ANO7: variants seen among roughly 807,000 people sequenced by gnomAD.
The protein encoded by ANO7 is anoctamin 7.
In ANO7, 114 loss-of-function variants were observed where a neutral mutation model predicts 115.8. The observed-to-expected ratio is 0.98, with a 90% CI of 0.85 to 1.15. The LOEUF (loss-of-function observed/expected upper bound fraction) is 1.15. Ranked by LOEUF, ANO7 falls within the 50% of genes most tolerant of loss-of-function variation. The probability of loss-of-function intolerance (pLI) is 0.00; values close to 1 mark genes in which losing one functional copy is unlikely to be tolerated. For missense variants in ANO7, 1,302 were observed against 1,201.2 expected, an observed-to-expected ratio of 1.08 and a Z score of -1.24; for synonymous variants, 550 against 498.2, an observed-to-expected ratio of 1.10 and a Z score of -1.38.
rs562897407 is a variant in ANO7 at position 241,223,875 on chromosome 2, C to A, written c.2533-30C>A. On this transcript the variant is annotated intron_variant, in intron 23 of 24. Coordinates refer to ENST00000674324, the MANE Select transcript of ANO7 (RefSeq NM_001370694.2). ...CCTCCGGACACTGAGTCACATCCCT[C>A]TTCCTCTTGCTGCCCTTTTTTGGGG... 49 of 1,614,144 alleles carry A rather than the reference C, an allele frequency of 3.0e-5. No individual in the cohort carries two copies. In the South Asian group the frequency reaches 5.2e-4, roughly 17 times the overall value.
At chr2:241,198,284 C>T (rs2068390369) in intron 4 of ANO7, among the ~76,000 whole-genome samples, 2 of 152,178 alleles carry the variant, frequency 1.3e-5, no homozygotes, top group Admixed American at 1.3e-4. Context: ...CCTTCCAGTC[C>T]TTCTCAGGTG....
chr2:241,220,119 C>G (rs543544386), intron 21 of ANO7, among the ~76,000 whole-genome samples: 1 of 152,270 alleles, frequency 6.6e-6, no homozygotes, highest in South Asian at 2.1e-4. Flanking sequence ...ACAGTAATTT[C>G]TTATGTATTG....
intron 21 of ANO7, among the ~76,000 whole-genome samples, chr2:241,221,970 C>T (rs1390323588): frequency 1.3e-5 from 2 of 152,028 alleles, no homozygotes; most frequent in African/African-American, 4.8e-5. Flanking sequence ...CGCGGGGGCT[C>T]ATGCCTGTAT....
chr2:241,220,400 T>C (rs1433010652), intron 21 of ANO7, among the ~76,000 whole-genome samples: 1 of 150,902 alleles, frequency 6.6e-6, no homozygotes, highest in Non-Finnish European at 1.5e-5. Context: ...ATTCATAGCA[T>C]TTAAGAATTT....
chr2:241,223,139 C>G (rs1231351065), intron 21 of ANO7, 47 bp from the exon 22 acceptor site: 1 of 1,567,598 alleles, frequency 6.4e-7, no homozygotes, highest in African/African-American at 1.4e-5. Flanking sequence ...CCTGCCCAGC[C>G]AACACTCAGC....
chr2:241,228,306 A>G (rs527837684), downstream of ANO7: 7 of 152,512 alleles, frequency 4.6e-5, no homozygotes, highest in South Asian at 8.3e-4. Context: ...CCCTCACAGC[A>G]TGACACAGAT....
chr2:241,204,332 T>G (rs1322447327), intron 9 of ANO7, among the ~76,000 whole-genome samples: 1 of 150,684 alleles, frequency 6.6e-6, no homozygotes, highest in African/African-American at 2.4e-5. Context: ...GGCCTGGGAC[T>G]GGACTAGCCC....
chr2:241,196,715 C>T (rs1158548394), intron 4 of ANO7, among the ~76,000 whole-genome samples: 1 of 152,258 alleles, frequency 6.6e-6, no homozygotes, highest in Non-Finnish European at 1.5e-5. Flanking sequence ...GGGGCCCACC[C>T]TTGCCTTGCC....
downstream of ANO7, among the ~76,000 whole-genome samples, chr2:241,226,291 G>A (rs980142781): frequency 5.3e-5 from 8 of 152,198 alleles, no homozygotes; most frequent in East Asian, 3.9e-4. Context: ...CATCCGTGCC[G>A]AGCATCCATC....
In ANO7 at chr2:241,200,360, G is replaced by A. The variant is rs369608504; in HGVS notation, c.554+135G>A. ...CGGCAGGGAATCTGAGGCCAGGTGC[G>A]CACGCTTATCGCGTGTCTGCATTTC... is the stretch of plus-strand genomic sequence containing the variant. On this transcript the variant is annotated intron_variant, in intron 6 of 24. Coordinates refer to ENST00000674324, the MANE Select transcript of ANO7 (RefSeq NM_001370694.2). 1.7e-5 allele frequency: 21 copies of A among 1,228,012 alleles called. No homozygotes were observed. The East Asian group carries it at 2.3e-4, about 13-fold the overall frequency. 76.1% of individuals were successfully genotyped at this position (1,228,012 alleles called of 1,614,324 possible). A position where few individuals can be genotyped will look rare whatever the true frequency, so the allele number is the denominator to read the frequency against.
Position 241,216,201 on chromosome 2 carries a change from G to A in ANO7, c.1935G>A (p.Val645=), listed in dbSNP as rs1465407618. ...QGPWEDDYEL[V]PCEGLFDEYL... ...CCTGGGAGGACGACTATGAGCTTGT[G>A]CCCTGTGAGGGTCTGTTTGACGAGT... Residue 645 remains valine (V), a synonymous_variant, in exon 19 of 25, where the codon GTG becomes GTA. Transcript: ENST00000674324. 1 of 1,612,126 alleles carries A rather than the reference G, an allele frequency of 6.2e-7. No individual in the cohort carries two copies. Among genetic ancestry groups the A allele is most frequent in the Non-Finnish European group, 8.5e-7 (1 of 1,179,516 alleles).
In ANO7 at chr2:241,196,073, G is replaced by T. The variant is rs560922707; in HGVS notation, c.309+228G>T. 1,031 of 1,417,596 alleles carry T rather than the reference G, an allele frequency of 7.3e-4. 2 individuals carry two copies. The highest frequency in any genetic ancestry group is 1.1e-3 in the Admixed American group (39 of 34,480). The allele number at this position is 1,417,596 out of a possible 1,614,324, so 87.8% of individuals were successfully genotyped here. A position where few individuals can be genotyped will look rare whatever the true frequency, so the allele number is the denominator to read the frequency against. On this transcript the variant is annotated intron_variant, in intron 4 of 24. Transcript: ENST00000674324. Reference sequence around the variant, plus strand: ...CCTCCTGCACACTCAGCTCTCTCATGGAAGTCGGAGCCCTCAGGGTCACCT... The same window carrying T: ...CCTCCTGCACACTCAGCTCTCTCATTGAAGTCGGAGCCCTCAGGGTCACCT...
chr2:241,221,137 T>G (rs1460140900), intron 21 of ANO7, among the ~76,000 whole-genome samples: 5 of 151,704 alleles, frequency 3.3e-5, no homozygotes, highest in African/African-American at 7.3e-5. Flanking sequence ...AATGGCGCGA[T>G]CTTGGCTCAC....
At chr2:241,210,740 C>T (rs1184018636) in intron 15 of ANO7, among the ~76,000 whole-genome samples, 170 bp downstream of exon 15, 1 of 152,210 alleles carries the variant, frequency 6.6e-6, no homozygotes, top group Non-Finnish European at 1.5e-5. Context: ...AGTGCACTGG[C>T]ACGATCATGG....
chr2:241,204,998 C>T lies in ANO7; in HGVS notation c.980+43C>T, dbSNP rs113746147. The T allele has an allele frequency of 2.0e-5, 32 of 1,571,456 alleles. 1 individual carries two copies. The African/African-American group carries it at 2.6e-4, about 13-fold the overall frequency. The stretch of plus-strand genomic sequence containing the variant: ...GCAGCTCTGGGGCCTGGTGCTGGGC[C>T]TCCAGATGGGTGTGGGGCGGGGGGA... On this transcript the variant is annotated intron_variant, in intron 10 of 24. Transcript: ENST00000674324.
chr2:241,196,148 A>G, intron 4 of ANO7: 1 of 1,327,726 alleles, frequency 7.5e-7, no homozygotes, highest in Non-Finnish European at 9.6e-7. Flanking sequence ...CTCCAACATT[A>G]AAGCTTTTGG....
In ANO7 at chr2:241,202,313, G is replaced by T; in HGVS notation, c.723+9G>T. On this transcript the variant is annotated intron_variant, in intron 8 of 24. Transcript: ENST00000674324. ...CCTTCCCCCTGCATGACGTGAGCTC[G>T]GGGGCTGGGGGCTCCAGCCTGGGTA... 1 of 1,609,218 alleles carries T rather than the reference G, an allele frequency of 6.2e-7. No individual in the cohort carries two copies. The highest frequency in any genetic ancestry group is 1.1e-5 in the South Asian group (1 of 91,026).
chr2:241,238,859 CT>C, the ANO7 span: 1 of 1,253,144 alleles, frequency 8.0e-7, no homozygotes, highest in South Asian at 1.7e-5. This position sits in a 1 kb window ranked among gnomAD's most constrained non-coding sequence, Gnocchi z 4.9. Context: ...TTACAGCACT[CT>C]TCACACCACC....
chr2:241,235,288 G>A, the ANO7 span: 35 of 1,613,806 alleles, frequency 2.2e-5, 1 homozygote, highest in East Asian at 5.1e-4. Context: ...TGACGTTCAG[G>A]ACCCCAGAGA....
Sources: gnomAD v4.1 joint callset for allele counts (sites outside exome capture counted in the v4.1 genomes callset) on GRCh38, gnomAD v4.1.1 for gene constraint, Gnocchi (gnomAD v3.1) non-coding constraint, MANE v1.5 for transcripts, NCBI Gene and HGNC (gene_info 2026-07-23, HGNC 2026-07-21) for gene names.